Variants in SFI1 observed in about 807,000 individuals in gnomAD.
SFI1 encodes the protein protein SFI1 homolog.
SFI1 carries 195 observed loss-of-function variants against 207.5 expected under a neutral mutation model. The ratio of observed to expected loss-of-function variants is 0.94; its 90% confidence interval spans 0.84 to 1.06. The LOEUF is 1.06. SFI1 is among the 50% of genes least tolerant of loss of function. The pLI is 0.00. For missense variants in SFI1, 1,634 were observed against 1,588.0 expected, an observed-to-expected ratio of 1.03 and a Z score of -0.49; for synonymous variants, 630 against 598.9, an observed-to-expected ratio of 1.05 and a Z score of -0.76.
At chr22:31,506,039 G>A (rs1341112531) in intron 1 of SFI1, among the ~76,000 whole-genome samples, 1 of 151,792 alleles carries the variant, frequency 6.6e-6, no homozygotes, top group Non-Finnish European at 1.5e-5. Flanking sequence ...GTGACAGAGG[G>A]AAATCCTGTC....
chr22:31,573,281 T>C, intron 9 of SFI1, 67 bp downstream of exon 9: 1 of 1,564,186 alleles, frequency 6.4e-7, no homozygotes, highest in Non-Finnish European at 8.7e-7. Context: ...CTGCTGCCAG[T>C]GGTACTGTAC....
intron 12 of SFI1, among the ~76,000 whole-genome samples, chr22:31,582,624 GT>G: frequency 6.6e-6 from 1 of 152,014 alleles, no homozygotes; most frequent in African/African-American, 2.4e-5. Flanking sequence ...TAAGTGTACA[GT>G]TCAGTGACAT....
chr22:31,506,620 C>T (rs1477420652), intron 1 of SFI1, among the ~76,000 whole-genome samples: 2 of 152,110 alleles, frequency 1.3e-5, no homozygotes, highest in African/African-American at 4.8e-5. Flanking sequence ...CCCATCGTCT[C>T]AGCCCAAAAG....
chr22:31,562,437 C>CAAAA (rs528463423), intron 8 of SFI1, among the ~76,000 whole-genome samples: 35 of 100,006 alleles, frequency 3.5e-4, no homozygotes, highest in African/African-American at 9.3e-4. Context: ...GGCCCTGTCT[C>CAAAA]AAAAAAAAAA....
In SFI1 at chr22:31,611,319, G is replaced by A. The variant is rs767383227; in HGVS notation, c.2415+16G>A. 1.0e-5 allele frequency: 16 copies of A among 1,575,030 alleles called. No homozygotes were observed. The highest frequency in any genetic ancestry group is 1.4e-5 in the Non-Finnish European group (16 of 1,157,764). ...CAGGAAGAGGGTGAGGCTGACGGTG[G>A]CAACTCTCCAAGTTCTGCCTGCCTG... On this transcript the variant is annotated intron_variant, in intron 23 of 32. Coordinates refer to ENST00000400288, the MANE Select transcript of SFI1 (RefSeq NM_001007467.3).
intron 1 of SFI1, among the ~76,000 whole-genome samples, chr22:31,497,927 T>C (rs2053007513): frequency 6.6e-6 from 1 of 152,238 alleles, no homozygotes; most frequent in Non-Finnish European, 1.5e-5. Flanking sequence ...ACTTTACATG[T>C]CTGCTAACAC....
chr22:31,580,152 A>T, intron 11 of SFI1, 120 bp from the exon 12 acceptor site: 1 of 691,056 alleles, frequency 1.4e-6, no homozygotes, highest in Non-Finnish European at 2.5e-6. Context: ...AACAGCTACA[A>T]GAAGCTGTGA....
chr22:31,511,310 A>G (rs2055472303), intron 2 of SFI1, among the ~76,000 whole-genome samples: 2 of 152,098 alleles, frequency 1.3e-5, no homozygotes, highest in South Asian at 4.2e-4. Flanking sequence ...ACGTTCTCAT[A>G]GAAGGAGTCC....
At chr22:31,520,921 G>T (rs1055439206) in intron 2 of SFI1, among the ~76,000 whole-genome samples, 17 of 148,846 alleles carry the variant, frequency 1.1e-4, no homozygotes, top group African/African-American at 3.7e-4. Context: ...GGAGGATCAC[G>T]TGAGCCTGGG....
chr22:31,539,371 A>G (rs1269029864), intron 4 of SFI1, among the ~76,000 whole-genome samples: 1 of 152,188 alleles, frequency 6.6e-6, no homozygotes, highest in Non-Finnish European at 1.5e-5. Flanking sequence ...GTGGTCTATA[A>G]GACCAACCAA....
At chr22:31,518,484 TATAGAA>T (rs1224642203) in intron 2 of SFI1, among the ~76,000 whole-genome samples, 2 of 152,206 alleles carry the variant, frequency 1.3e-5, no homozygotes, top group Non-Finnish European at 2.9e-5. Flanking sequence ...ATTGCTAGTT[TATAGAA>T]ATATAGAGTT....
At position 31,602,768 on chromosome 22, in the gene SFI1, C is replaced by G; in HGVS notation, c.1788C>G (p.Ala596=). Residue 596 remains alanine, a synonymous_variant, in exon 17 of 33, where the codon GCC becomes GCG. Coordinates refer to ENST00000400288, the MANE Select transcript of SFI1 (RefSeq NM_001007467.3). ...KKAFCLWRES[A]QGLRTERTGR... is the part of the protein sequence containing the mutation. Reference sequence around the variant, plus strand: ...CTTTCTGCCTCTGGAGGGAAAGTGCCCAAGGGCTCAGAACAGAGTGAGTGG... The same window carrying G: ...CTTTCTGCCTCTGGAGGGAAAGTGCGCAAGGGCTCAGAACAGAGTGAGTGG... The G allele has an allele frequency of 2.5e-6, 4 of 1,613,674 alleles. No homozygotes were observed. Among genetic ancestry groups the G allele is most frequent in the Non-Finnish European group, 3.4e-6 (4 of 1,180,002 alleles).
intron 1 of SFI1, chr22:31,497,141 G>A (rs2052813039): frequency 6.6e-6 from 1 of 152,228 alleles, no homozygotes; most frequent in South Asian, 2.1e-4. Flanking sequence ...TTTATGGGAG[G>A]CTGTTCAGGT....
At chr22:31,582,206 T>TATATATATATATATATATATATATATA (rs1569376507) in intron 12 of SFI1, among the ~76,000 whole-genome samples, 2 of 36,618 alleles carry the variant, frequency 5.5e-5, no homozygotes, top group African/African-American at 1.2e-4. Flanking sequence ...TTATTACATT[T>TATATATATATATATATATATATATATA]TATATATATA....
At chr22:31,604,205 T>C (rs1021297486) in intron 18 of SFI1, 104 bp from the exon 19 acceptor site, 50 of 868,950 alleles carry the variant, frequency 5.8e-5, no homozygotes, top group Admixed American at 2.1e-5. Context: ...GCCAGAGAGG[T>C]TAATTTACAC....
intron 4 of SFI1, 44 bp from the exon 5 acceptor site, chr22:31,546,817 C>T: frequency 7.6e-7 from 1 of 1,314,116 alleles, no homozygotes; most frequent in Non-Finnish European, 1.1e-6. Context: ...GAGATGTTAG[C>T]TCCAACATCA....
intron 16 of SFI1, 134 bp downstream of exon 16, chr22:31,602,427 C>T: frequency 8.7e-7 from 1 of 1,148,372 alleles, no homozygotes; most frequent in South Asian, 1.3e-5. Context: ...TGAGGCAGGG[C>T]AGGCTCTGGG....
rs755261201 is a variant in SFI1, at chr22:31,561,388, T to A, written c.761T>A (p.Val254Glu). 2.6e-5 allele frequency: 42 copies of A among 1,612,962 alleles called. No individual in the cohort carries two copies. Among genetic ancestry groups the A allele is most frequent in the Non-Finnish European group, 3.6e-5 (42 of 1,179,606 alleles). ...AAGCACAGGGCCCTGAGCCTCCAGG[T>A]GCAGGTGAGTCCAGCAGACGTGGGA... ...ALKHRALSLQ[V>E]QAWSQWREQL... is the part of the protein sequence containing the mutation. Residue 254 changes from valine to glutamate, a missense_variant, in exon 8 of 33, where the codon GTG becomes GAG. By Grantham distance (121) the Val-to-Glu change is moderately radical. Transcript: ENST00000400288.
upstream of SFI1, chr22:31,496,175 C>T (rs1302505965): frequency 6.6e-6 from 1 of 152,300 alleles, no homozygotes; most frequent in Non-Finnish European, 1.5e-5. Flanking sequence ...ACGCAGCCGC[C>T]TCCCAGCTGG....
Sources: gnomAD v4.1 joint callset for allele counts (sites outside exome capture counted in the v4.1 genomes callset) on GRCh38, gnomAD v4.1.1 for gene constraint, MANE v1.5 for transcripts, NCBI Gene and HGNC (gene_info 2026-07-23, HGNC 2026-07-21) for gene names.